The following GBA2 variants were observed in gnomAD, a reference collection of about 807,000 sequenced individuals.
GBA2 encodes non-lysosomal glucosylceramidase.
In GBA2, 79 loss-of-function variants were observed where a neutral mutation model predicts 112.9. The ratio of observed to expected loss-of-function variants is 0.70; its 90% CI spans 0.58 to 0.84. The LOEUF (loss-of-function observed/expected upper bound fraction) is 0.84. Among genes scored for constraint, GBA2 ranks in the 40% least tolerant of loss-of-function variants. The pLI is 0.00. For missense variants in GBA2, 1,043 were observed against 1,190.0 expected (o/e 0.88, Z 1.82); for synonymous variants, 403 against 434.3 (o/e 0.93, Z 0.90).
Position 35,741,990 on chromosome 9 carries a change from C to G in GBA2, c.568-100G>C. ...GCTCCTCCCCTTTCAGAGCCTGCAA[C>G]TGTTACCACTGCACCATCAGCTTCA... On this transcript the variant is annotated intron_variant, in intron 3 of 16. Transcript: ENST00000378103. The surrounding 1 kb of genome is among the most constrained non-coding windows in gnomAD (Gnocchi z 4.6). 1 of 751,010 alleles carries G rather than the reference C, an allele frequency of 1.3e-6. No homozygotes were observed. Among genetic ancestry groups the G allele is most frequent in the Non-Finnish European group, 2.3e-6 (1 of 429,220 alleles). The allele number at this position is 751,010 out of a possible 1,614,324, so 46.5% of individuals were successfully genotyped here. A position where few individuals can be genotyped will look rare whatever the true frequency, so the allele number is the denominator to read the frequency against.
In GBA2 at chr9:35,738,053, C is replaced by T. The variant is rs1452391576; in HGVS notation, c.2297G>A (p.Gly766Glu). Residue 766 changes from glycine (G) to glutamate (E), a missense_variant, in exon 15 of 17, where the codon GGA becomes GAA. By Grantham distance (98) the Gly-to-Glu change is moderately conservative (BLOSUM62 -2). Transcript: ENST00000378103. ...GQWFLKACGLGEGDTEVFPTQ... is the reference protein window; with the variant it reads ...GQWFLKACGLEEGDTEVFPTQ... Reference sequence around the variant, plus strand: ...CTCTCTCACCTCAGTGTCTCCTTCTCCTAGGCCACAGGCCTTCAGGAACCA... The same window carrying T: ...CTCTCTCACCTCAGTGTCTCCTTCTTCTAGGCCACAGGCCTTCAGGAACCA... 6.2e-7 allele frequency: 1 copy of T among 1,610,504 alleles called. No individual in the cohort carries two copies. The highest frequency in any genetic ancestry group is 8.5e-7 in the Non-Finnish European group (1 of 1,177,630).
At position 35,736,867 on chromosome 9, in the gene GBA2, G is replaced by GTT. The variant is rs1588000249; in HGVS notation, c.*301_*302insAA. The GTT allele has an allele frequency of 4.0e-5, 32 of 809,678 alleles. 1 individual carries two copies. In the East Asian group the frequency reaches 8.2e-4, roughly 21 times the overall value. 50.2% of individuals were successfully genotyped at this position (809,678 alleles called of 1,614,324 possible). A position where few individuals can be genotyped will look rare whatever the true frequency, so the allele number is the denominator to read the frequency against. On this transcript the variant is annotated 3_prime_UTR_variant, in exon 17 of 17. Coordinates refer to ENST00000378103, the MANE Select transcript of GBA2 (RefSeq NM_020944.3). ...AGGGCTCAAACACACCACACTTAAT[G>GTT]GCTTTCTGGGTCTTTTATTTGTACC...
Position 35,737,045 on chromosome 9 carries a change from T to C in GBA2, c.*124A>G, listed in dbSNP as rs546341042. On this transcript the variant is annotated 3_prime_UTR_variant, in exon 17 of 17. Transcript: ENST00000378103. This position sits in a 1 kb window ranked among gnomAD's most constrained non-coding sequence, Gnocchi z 4.1. ...ACCCCCATTTACTGGCACAATTGGG[T>C]GGAGAGAAGGGAAGGGGTATGATTG... The C allele has an allele frequency of 7.0e-7, 1 of 1,438,142 alleles. No individual in the cohort carries two copies. Among genetic ancestry groups the C allele is most frequent in the Non-Finnish European group, 9.3e-7 (1 of 1,079,818 alleles). 89.1% of individuals were successfully genotyped at this position (1,438,142 alleles called of 1,614,324 possible).
Position 35,741,117 on chromosome 9 carries a change from C to CA in GBA2, c.787-54dup. On this transcript the variant is annotated intron_variant, in intron 4 of 16. Coordinates refer to ENST00000378103, the MANE Select transcript of GBA2 (RefSeq NM_020944.3). This position sits in a 1 kb window ranked among gnomAD's most constrained non-coding sequence, Gnocchi z 4.6. Reference sequence around the variant, plus strand: ...GTCCCAGTAGAGCGCCTCCTGACCCCACTCTGCTAGGATCAGTCCTGGGCA... The same window carrying CA: ...GTCCCAGTAGAGCGCCTCCTGACCCCAACTCTGCTAGGATCAGTCCTGGGCA... 1 of 1,600,722 alleles carries CA rather than the reference C, an allele frequency of 6.2e-7. No individual in the cohort carries two copies. The highest frequency in any genetic ancestry group is 8.5e-7 in the Non-Finnish European group (1 of 1,173,066).
chr9:35,744,305 C>T lies in GBA2; in HGVS notation c.559G>A (p.Ala187Thr), dbSNP rs553994777. ...CACCTCCTGGCTCTTACTTGGTCAG[C>T]GATGACTGTCCGGTGCTGATACATT... ...PGMYQHRTVI[A>T]DQFTVCLRRE... is the part of the protein sequence containing the mutation. The change falls in exon 3 of 17, where the codon GCT becomes ACT. Residue 187 changes from alanine to threonine, a missense_variant. By Grantham distance (58) the Ala-to-Thr change is moderately conservative. Coordinates refer to ENST00000378103, the MANE Select transcript of GBA2 (RefSeq NM_020944.3). 19 of 1,598,254 alleles carry T rather than the reference C, an allele frequency of 1.2e-5. 1 individual carries two copies. Among genetic ancestry groups the T allele is most frequent in the South Asian group, 9.9e-5 (9 of 90,776 alleles).
chr9:35,745,768 T>G (rs1056416176), intron 1 of GBA2, among the ~76,000 whole-genome samples: 1 of 152,198 alleles, frequency 6.6e-6, no homozygotes, highest in African/African-American at 2.4e-5. Flanking sequence ...CAAATTCTCA[T>G]TCCAGATGGG....
Position 35,738,907 on chromosome 9 carries a change from T to G in GBA2, c.1796-4A>C. On this transcript the variant is annotated splice_region_variant and splice_polypyrimidine_tract_variant and intron_variant, in intron 11 of 16. Transcript: ENST00000378103. ...ACGCGGAGCCATGGTTCATCATCTG[T>G]GGGAGAGGAGGGGACTTGGGTCACT... 1 of 1,613,880 alleles carries G rather than the reference T, an allele frequency of 6.2e-7. No individual in the cohort carries two copies. Among genetic ancestry groups the G allele is most frequent in the Non-Finnish European group, 8.5e-7 (1 of 1,179,878 alleles).
Position 35,740,742 on chromosome 9 carries a change from G to T in GBA2, c.1026+83C>A. 1.3e-6 allele frequency: 2 copies of T among 1,563,874 alleles called. No homozygotes were observed. The highest frequency in any genetic ancestry group is 8.8e-7 in the Non-Finnish European group (1 of 1,138,666). ...CTCCCAGGCCCAGGGGCTTACAGGA[G>T]TATGATGAGGGTGGATGAAGAGACC... On this transcript the variant is annotated intron_variant, in intron 5 of 16. Coordinates refer to ENST00000378103, the MANE Select transcript of GBA2 (RefSeq NM_020944.3). The surrounding 1 kb of genome is among the most constrained non-coding windows in gnomAD (Gnocchi z 4.7).
At chr9:35,743,119 C>T (rs914430466) in intron 3 of GBA2, among the ~76,000 whole-genome samples, 5 of 152,204 alleles carry the variant, frequency 3.3e-5, no homozygotes, top group African/African-American at 1.2e-4. Flanking sequence ...TGAGCATCCT[C>T]GGATAGCAGG....
In GBA2 at chr9:35,739,397, G is replaced by A; in HGVS notation, c.1605C>T (p.Asn535=). 1.9e-6 allele frequency: 3 copies of A among 1,612,234 alleles called. 1 individual carries two copies. Among genetic ancestry groups the A allele is most frequent in the South Asian group, 2.2e-5 (2 of 91,030 alleles). Residue 535 remains asparagine, a synonymous_variant, in exon 10 of 17, where the codon AAC becomes AAT. Coordinates refer to ENST00000378103, the MANE Select transcript of GBA2 (RefSeq NM_020944.3). ...YLEGQEYRMY[N]TYDVHFYASF... The stretch of plus-strand genomic sequence containing the variant: ...AAGCATAAAAGTGGACATCATATGT[G>A]TTGTACATGCGGTACTCCTGGCCTG...
chr9:35,744,043 G>A (rs1203915070), intron 3 of GBA2, among the ~76,000 whole-genome samples: 2 of 152,182 alleles, frequency 1.3e-5, no homozygotes, highest in African/African-American at 4.8e-5. Flanking sequence ...TTGGGTTGGG[G>A]CAGTGAGGTA....
At position 35,738,375 on chromosome 9, in the gene GBA2, C is replaced by T. The variant is rs776121281; in HGVS notation, c.2055-1G>A. 1 of 1,613,834 alleles carries T rather than the reference C, an allele frequency of 6.2e-7. No homozygotes were observed. Among genetic ancestry groups the T allele is most frequent in the Non-Finnish European group, 8.5e-7 (1 of 1,179,826 alleles). On this transcript the variant is annotated splice_acceptor_variant, in intron 13 of 16. Coordinates refer to ENST00000378103, the MANE Select transcript of GBA2 (RefSeq NM_020944.3). LOFTEE classifies it high-confidence loss of function. Reference sequence around the variant, plus strand: ...CAGCCACAGCCCTCCACAGTAAGCACTGATCAGGGACATGGGTTTGGGGGT... The same window carrying T: ...CAGCCACAGCCCTCCACAGTAAGCATTGATCAGGGACATGGGTTTGGGGGT...
Position 35,741,628 on chromosome 9 carries a change from T to TG in GBA2, c.786+43dup. 1 of 1,295,996 alleles carries TG rather than the reference T, an allele frequency of 7.7e-7. No individual in the cohort carries two copies. The highest frequency in any genetic ancestry group is 1.5e-5 in the African/African-American group (1 of 68,752). The allele number at this position is 1,295,996 out of a possible 1,614,324, so 80.3% of individuals were successfully genotyped here. On this transcript the variant is annotated intron_variant, in intron 4 of 16. Coordinates refer to ENST00000378103, the MANE Select transcript of GBA2 (RefSeq NM_020944.3). This position sits in a 1 kb window ranked among gnomAD's most constrained non-coding sequence, Gnocchi z 4.6. Reference sequence around the variant, plus strand: ...TGCAGTTTCTAGCAGAGGCAGGTCCTGGGGAAGGGAGGGCAATGGAAGATA... The same window carrying TG: ...TGCAGTTTCTAGCAGAGGCAGGTCCTGGGGGAAGGGAGGGCAATGGAAGATA...
rs1280547348 is a variant in GBA2, at chr9:35,737,207, C to T, written c.2746G>A (p.Gly916Arg). 1 of 1,611,420 alleles carries T rather than the reference C, an allele frequency of 6.2e-7. No homozygotes were observed. The highest frequency in any genetic ancestry group is 1.1e-5 in the South Asian group (1 of 91,082). ...GTGLRTGPMFGPKEAMANLSP... is the reference protein window; with the variant it reads ...GTGLRTGPMFRPKEAMANLSP... ...AGGTTTGCCATGGCTTCCTTTGGTC[C>T]AAACATAGGCCCTGTCCTTAGTCCT... Residue 916 changes from glycine (G) to arginine (R), a missense_variant, in exon 17 of 17, where the codon GGA (glycine) becomes AGA (arginine). Physicochemically the swap from Gly to Arg is moderately radical, Grantham distance 125. Coordinates refer to ENST00000378103, the MANE Select transcript of GBA2 (RefSeq NM_020944.3). This position sits in a 1 kb window ranked among gnomAD's most constrained non-coding sequence, Gnocchi z 4.1.
In GBA2 at chr9:35,739,029, C is replaced by A; in HGVS notation, c.1768G>T (p.Val590Phe). The change falls in exon 11 of 17, where the codon GTC becomes TTC. Residue 590 changes from valine (V) to phenylalanine (F), a missense_variant. By Grantham distance (50) the Val-to-Phe change is conservative. Transcript: ENST00000378103. ...GVMAPVKRRN[V>F]IPHDIGDPDD... is the part of the protein sequence containing the mutation. ...GGGTCCCCAATATCATGGGGGATGACGTTCCTCCTTTTCACAGGTGCCATC... is the reference window on the plus strand; with the variant it reads ...GGGTCCCCAATATCATGGGGGATGAAGTTCCTCCTTTTCACAGGTGCCATC... 6.2e-7 allele frequency: 1 copy of A among 1,613,334 alleles called. No homozygotes were observed. Among genetic ancestry groups the A allele is most frequent in the Non-Finnish European group, 8.5e-7 (1 of 1,179,440 alleles).
At chr9:35,738,453 C>A in intron 13 of GBA2, 73 bp downstream of exon 13, 1 of 1,589,264 alleles carries the variant, frequency 6.3e-7, no homozygotes, top group Non-Finnish European at 8.6e-7. Context: ...ATGAGTCATT[C>A]TTTCTTGAGC....
rs538310610 is a variant in GBA2, at chr9:35,741,278, G to C, written c.787-214C>G. On this transcript the variant is annotated intron_variant, in intron 4 of 16. Transcript: ENST00000378103. This position sits in a 1 kb window ranked among gnomAD's most constrained non-coding sequence, Gnocchi z 4.6. ...GTTGGGCGGTGGTTCTGGGAAGCCAGTGTGATGTTCATGGCTCCAACCTCC... is the reference window on the plus strand; with the variant it reads ...GTTGGGCGGTGGTTCTGGGAAGCCACTGTGATGTTCATGGCTCCAACCTCC... 1 of 583,458 alleles carries C rather than the reference G, an allele frequency of 1.7e-6. No homozygotes were observed. Among genetic ancestry groups the C allele is most frequent in the Admixed American group, 3.1e-5 (1 of 32,000 alleles). 36.1% of individuals were successfully genotyped at this position (583,458 alleles called of 1,614,324 possible).
intron 3 of GBA2, chr9:35,743,174 A>C (rs1303191440): frequency 2.0e-5 from 3 of 153,790 alleles, no homozygotes; most frequent in African/African-American, 7.2e-5. Flanking sequence ...AACTGTATAA[A>C]ATAATTTTTC....
At chr9:35,739,607 C>A (rs1826509175) in intron 9 of GBA2, 21 bp downstream of exon 9, 1 of 1,609,366 alleles carries the variant, frequency 6.2e-7, no homozygotes, top group Non-Finnish European at 8.5e-7. Flanking sequence ...TGCCATATCC[C>A]AGCCCACCAG....
Sources: gnomAD v4.1 joint callset for allele counts (sites outside exome capture counted in the v4.1 genomes callset) on GRCh38, gnomAD v4.1.1 for gene constraint, Gnocchi (gnomAD v3.1) non-coding constraint, MANE v1.5 for transcripts, NCBI Gene and HGNC (gene_info 2026-07-23, HGNC 2026-07-21) for gene names.